SPEF2: variants seen among roughly 807,000 people sequenced by gnomAD.
SPEF2 encodes sperm flagellar and cilia associated 2.
A neutral mutation model predicts 224.6 loss-of-function variants in SPEF2; 187 were observed. That is an observed-to-expected ratio of 0.83 (90% CI 0.74 to 0.94). SPEF2 has a LOEUF of 0.94. Ranked by LOEUF, SPEF2 falls within the 40% of genes least tolerant of loss-of-function variation. SPEF2 has a pLI of 0.00. For synonymous variants in SPEF2, 715 were observed against 707.3 expected (o/e 1.01, Z -0.17); for missense variants, 2,170 against 2,135.6 (o/e 1.02, Z -0.32).
At chr5:35,745,801 C>T (rs1021278909) in intron 23 of SPEF2, among the ~76,000 whole-genome samples, 1 of 152,214 alleles carries the variant, frequency 6.6e-6, no homozygotes, top group African/African-American at 2.4e-5. Flanking sequence ...CACCGCTGGT[C>T]CCTCTCCACG....
rs922167785 is a variant in SPEF2, at chr5:35,744,942, G to A, written c.3330+4675G>A. ...TCTGAAGGAGGCTGACTGCTCCTGC[G>A]GGACCTGGGAGACACCCCAAATACT... is the stretch of plus-strand genomic sequence containing the variant. On this transcript the variant is annotated intron_variant, in intron 23 of 36. Coordinates refer to ENST00000356031, the MANE Select transcript of SPEF2 (RefSeq NM_024867.4). 5.3e-5 allele frequency among the ~76,000 whole-genome samples: 8 copies of A among 152,240 alleles called. 2 individuals carry two copies. Among genetic ancestry groups the A allele is most frequent in the East Asian group, 1.9e-4 (1 of 5,170 alleles).
intron 23 of SPEF2, among the ~76,000 whole-genome samples, chr5:35,751,591 A>G (rs928892805): frequency 6.6e-6 from 1 of 152,196 alleles, no homozygotes; most frequent in East Asian, 1.9e-4. Context: ...CAGCTCTAAA[A>G]TAATGATATA....
intron 10 of SPEF2, among the ~76,000 whole-genome samples, chr5:35,687,451 C>A (rs1430773492): frequency 6.8e-6 from 1 of 147,918 alleles, no homozygotes; most frequent in African/African-American, 2.5e-5. Context: ...CATTATATTT[C>A]TTCTTGCACT....
chr5:35,760,378 T>A (rs1301181557), intron 25 of SPEF2, among the ~76,000 whole-genome samples: 2 of 150,828 alleles, frequency 1.3e-5, no homozygotes, highest in Non-Finnish European at 1.5e-5. Context: ...AAAAAAAAAA[T>A]TATGAACCTC....
intron 20 of SPEF2, among the ~76,000 whole-genome samples, chr5:35,723,939 G>A (rs1179038651): frequency 5.9e-5 from 9 of 152,130 alleles, no homozygotes; most frequent in Admixed American, 2.6e-4. Flanking sequence ...GATTGATCAC[G>A]GTTCTGGTAG....
At position 35,679,016 on chromosome 5, in the gene SPEF2, G is replaced by C. The variant is rs1752406598; in HGVS notation, c.1524+8789G>C. ...CTTCGTCAGGGTTTGGGGGTAGTTG[G>C]AGGACAGAAAGCCCTGGAAGAGATG... On this transcript the variant is annotated intron_variant, in intron 10 of 36. Transcript: ENST00000356031. Among the ~76,000 whole-genome samples, 8 of 152,294 alleles carry C rather than the reference G, an allele frequency of 5.3e-5. No homozygotes were observed. In the South Asian group the frequency reaches 1.7e-3, roughly 32 times the overall value.
At chr5:35,719,317 T>TTC (rs1247947055) in intron 20 of SPEF2, among the ~76,000 whole-genome samples, 1 of 152,210 alleles carries the variant, frequency 6.6e-6, no homozygotes, top group Non-Finnish European at 1.5e-5. Context: ...GAAACATGAT[T>TTC]TCTCTCTCTC....
intron 20 of SPEF2, among the ~76,000 whole-genome samples, chr5:35,717,674 T>C (rs1742841647): frequency 6.6e-6 from 1 of 152,082 alleles, no homozygotes; most frequent in Non-Finnish European, 1.5e-5. Context: ...CCTTCCTGCC[T>C]GGCAGTTTGA....
intron 20 of SPEF2, among the ~76,000 whole-genome samples, chr5:35,725,140 T>C (rs559426056): frequency 9.8e-5 from 15 of 152,346 alleles, no homozygotes; most frequent in South Asian, 6.2e-4. Context: ...CCTCTTCTCT[T>C]CCTGGTCATG....
At chr5:35,733,500 T>C (rs1746012055) in intron 21 of SPEF2, among the ~76,000 whole-genome samples, 1 of 152,190 alleles carries the variant, frequency 6.6e-6, no homozygotes, top group Non-Finnish European at 1.5e-5. Flanking sequence ...CACTGCAAAT[T>C]ACCTTTTAAA....
At chr5:35,808,611 G>C (rs149078934) in intron 36 of SPEF2, among the ~76,000 whole-genome samples, 1 of 151,700 alleles carries the variant, frequency 6.6e-6, no homozygotes, top group African/African-American at 2.4e-5. Context: ...AGTATTCCGT[G>C]GTGTATATGT....
intron 8 of SPEF2, among the ~76,000 whole-genome samples, chr5:35,659,694 T>C (rs868185953): frequency 1.8e-4 from 28 of 152,208 alleles, no homozygotes; most frequent in African/African-American, 6.3e-4. Context: ...CCAAAAAGAA[T>C]GGTGATAGTC....
At chr5:35,730,386 T>C (rs929339102) in intron 21 of SPEF2, among the ~76,000 whole-genome samples, 67 of 152,370 alleles carry the variant, frequency 4.4e-4, no homozygotes, top group Admixed American at 5.2e-4. Flanking sequence ...TCGGGCCATG[T>C]GGCCCATGTA....
In SPEF2 at chr5:35,659,160, G is replaced by A; in HGVS notation, c.1120G>A (p.Glu374Lys). Residue 374 changes from glutamate (E) to lysine (K), a missense_variant, in exon 8 of 37, where the codon GAG becomes AAG. Coordinates refer to ENST00000356031, the MANE Select transcript of SPEF2 (RefSeq NM_024867.4). The part of the protein sequence containing the change: ...QNRIFREKQH[E>K]ERRLKDFQDA... ...CAGAATTTTCAGAGAAAAACAACAT[G>A]AGGAAAGACGACTTAAAGATTTCCA... 6.2e-7 allele frequency: 1 copy of A among 1,612,766 alleles called. No individual in the cohort carries two copies.
rs183609461 is a variant in SPEF2, at chr5:35,768,571, A to G, written c.3802-3038A>G. 1.3e-4 allele frequency among the ~76,000 whole-genome samples: 20 copies of G among 152,266 alleles called. No homozygotes were observed. In the East Asian group the frequency reaches 3.7e-3, roughly 28 times the overall value. On this transcript the variant is annotated intron_variant, in intron 26 of 36. Transcript: ENST00000356031. Reference sequence around the variant, plus strand: ...TTTATTGAATGGCTGAAAAAATCCAATGAAATAATGTATGTAAAGTGTTTT... The same window carrying G: ...TTTATTGAATGGCTGAAAAAATCCAGTGAAATAATGTATGTAAAGTGTTTT...
chr5:35,806,847 A>G lies in SPEF2; in HGVS notation c.5151A>G (p.Glu1717=), dbSNP rs773887353. ...AAATCCCTGAAAATGCAAACAATGA[A>G]AAGATGTCCATGGAAACACTACTCA... ...DEEIPENANN[E]KMSMETLLKV... is the part of the protein sequence containing the mutation. The change falls in exon 35 of 37, where the codon GAA becomes GAG. Residue 1717 remains glutamate (E), a synonymous_variant. Coordinates refer to ENST00000356031, the MANE Select transcript of SPEF2 (RefSeq NM_024867.4). The G allele has an allele frequency of 1.9e-6, 3 of 1,614,060 alleles. No homozygotes were observed. Among genetic ancestry groups the G allele is most frequent in the South Asian group, 1.1e-5 (1 of 91,080 alleles).
At chr5:35,723,630 T>C (rs1744155756) in intron 20 of SPEF2, among the ~76,000 whole-genome samples, 1 of 152,164 alleles carries the variant, frequency 6.6e-6, no homozygotes, top group Non-Finnish European at 1.5e-5. Context: ...GCTGTTGAAA[T>C]AGAAATAAAA....
chr5:35,630,816 A>G (rs931021141), intron 2 of SPEF2, among the ~76,000 whole-genome samples: 3 of 152,238 alleles, frequency 2.0e-5, no homozygotes, highest in African/African-American at 7.2e-5. Context: ...TTGCTAAAGC[A>G]TAGCAAAATC....
rs547110743 is a variant in SPEF2, at chr5:35,787,915, G to A, written c.4448-4425G>A. ...ATAGAGTCACCGAAAAGCAGAAAAG[G>A]CCGCAGAAGCTTGACCATTATCTTC... On this transcript the variant is annotated intron_variant, in intron 30 of 36. Coordinates refer to ENST00000356031, the MANE Select transcript of SPEF2 (RefSeq NM_024867.4). 1.5e-4 allele frequency: 93 copies of A among 610,370 alleles called. 1 individual carries two copies. Among genetic ancestry groups the A allele is most frequent in the African/African-American group, 1.1e-3 (62 of 54,172 alleles). 37.8% of individuals were successfully genotyped at this position (610,370 alleles called of 1,614,324 possible). A position where few individuals can be genotyped will look rare whatever the true frequency, so the allele number is the denominator to read the frequency against.
Sources: allele counts gnomAD v4.1 joint callset (sites outside exome capture counted in the v4.1 genomes callset), GRCh38; gene constraint gnomAD v4.1.1; transcripts MANE v1.5; gene names NCBI Gene and HGNC (gene_info 2026-07-23, HGNC 2026-07-21).